ERC2: variants seen among roughly 807,000 people sequenced by gnomAD.
ERC2 encodes ELKS/RAB6-interacting/CAST family member 2, also known as ERC protein 2.
In ERC2, 42 loss-of-function variants were observed where a neutral mutation model predicts 114.8. The ratio of observed to expected loss-of-function variants is 0.37; its 90% CI spans 0.29 to 0.47. The LOEUF (loss-of-function observed/expected upper bound fraction) is 0.47, where lower values mean the gene tolerates loss of function less well. ERC2 is among the 20% of genes least tolerant of loss of function. The pLI is 0.99. For synonymous variants in ERC2, 454 were observed against 425.5 expected (o/e 1.07, Z -0.82); for missense variants, 939 against 1,150.7 (o/e 0.82, Z 2.66).
At chr3:55,902,766 T>C (rs753758274) in intron 13 of ERC2, among the ~76,000 whole-genome samples, 8 of 152,190 alleles carry the variant, frequency 5.3e-5, no homozygotes, top group Non-Finnish European at 1.2e-4. Flanking sequence ...GTTTTGACAC[T>C]GGGCTCCTAG....
chr3:56,197,000 A>G (rs1043726698), intron 3 of ERC2, among the ~76,000 whole-genome samples: 1 of 152,142 alleles, frequency 6.6e-6, no homozygotes, highest in Non-Finnish European at 1.5e-5. Flanking sequence ...CGTGTTTATA[A>G]AAACAGATTC....
At chr3:55,989,905 T>C (rs2070922265) in intron 11 of ERC2, among the ~76,000 whole-genome samples, 1 of 152,156 alleles carries the variant, frequency 6.6e-6, no homozygotes, top group Non-Finnish European at 1.5e-5. Flanking sequence ...ATCCTCCACA[T>C]AGCTCACCAC....
chr3:56,084,417 A>C (rs1486451037), intron 6 of ERC2, among the ~76,000 whole-genome samples: 1 of 152,254 alleles, frequency 6.6e-6, no homozygotes, highest in Non-Finnish European at 1.5e-5. Context: ...TATGTTTATC[A>C]CAGCACAATT....
At chr3:55,772,232 A>T (rs2362851) in intron 14 of ERC2, among the ~76,000 whole-genome samples, 144,412 of 152,224 alleles carry the variant, frequency 0.95, 68,840 homozygotes, top group Non-Finnish European at 1. Context: ...AACTTCCGCC[A>T]CCCAGGTTCA....
chr3:56,157,323 G>A (rs1409241288), intron 4 of ERC2, among the ~76,000 whole-genome samples: 2 of 152,148 alleles, frequency 1.3e-5, no homozygotes, highest in African/African-American at 2.4e-5. Flanking sequence ...GGGGAGAGAG[G>A]AAAGGGAGGA....
intron 6 of ERC2, among the ~76,000 whole-genome samples, chr3:56,118,536 C>T (rs976782034): frequency 6.6e-6 from 1 of 151,958 alleles, no homozygotes; most frequent in African/African-American, 2.4e-5. Flanking sequence ...AGGCACCAAG[C>T]TAGGTCTTTT....
intron 6 of ERC2, among the ~76,000 whole-genome samples, chr3:56,102,188 G>C (rs143386757): frequency 6.6e-6 from 1 of 152,086 alleles, no homozygotes; most frequent in Non-Finnish European, 1.5e-5. Flanking sequence ...TGACACAAGC[G>C]CTCCCTCCAG....
intron 1 of ERC2, among the ~76,000 whole-genome samples, chr3:56,453,637 A>C (rs541351883): frequency 1.3e-5 from 2 of 152,352 alleles, no homozygotes; most frequent in African/African-American, 2.4e-5. Context: ...CTCCAGATAG[A>C]TGCAAATCAT....
intron 2 of ERC2, among the ~76,000 whole-genome samples, chr3:56,305,433 A>G (rs1010744539): frequency 1.8e-4 from 28 of 151,942 alleles, no homozygotes; most frequent in Admixed American, 9.8e-4. Context: ...AAAGATGTTC[A>G]ATCTTATTAG....
At position 55,729,837 on chromosome 3, in the gene ERC2, C is replaced by CAAAAAAAAAAAAAAA. The variant is rs71096498; in HGVS notation, c.2712+4919_2712+4933dup. On this transcript the variant is annotated intron_variant, in intron 15 of 17. Coordinates refer to ENST00000288221, the MANE Select transcript of ERC2 (RefSeq NM_015576.3). ...AGGGTAATGCAGTGAGACTCTATCG[C>CAAAAAAAAAAAAAAA]AAAAAAAAAAAAAAAAAAAAAAAAA... 6.7e-3 allele frequency among the ~76,000 whole-genome samples: 412 copies of CAAAAAAAAAAAAAAA among 61,634 alleles called. 126 individuals are homozygous for CAAAAAAAAAAAAAAA. The highest frequency in any genetic ancestry group is 6.8e-3 in the African/African-American group (80 of 11,692). 40.4% of individuals were successfully genotyped at this position (61,634 alleles called of 152,430 possible).
At chr3:56,059,062 T>C (rs1484224595) in intron 7 of ERC2, among the ~76,000 whole-genome samples, 1 of 151,474 alleles carries the variant, frequency 6.6e-6, no homozygotes, top group East Asian at 2.0e-4. Context: ...TCTTTCTCCA[T>C]GAGCACATAA....
chr3:55,750,727 A>G (rs1048613020), intron 14 of ERC2, among the ~76,000 whole-genome samples: 4 of 152,212 alleles, frequency 2.6e-5, no homozygotes, highest in African/African-American at 9.6e-5. Flanking sequence ...CAAGGATGCT[A>G]GAATACCACC....
intron 16 of ERC2, among the ~76,000 whole-genome samples, chr3:55,695,948 C>T (rs79023375): frequency 5.3e-5 from 8 of 152,152 alleles, no homozygotes; most frequent in African/African-American, 9.7e-5. Flanking sequence ...TGCCCCAGGA[C>T]GCTCGAAGAT....
chr3:56,020,095 G>A (rs957020814), intron 7 of ERC2, among the ~76,000 whole-genome samples: 6 of 152,210 alleles, frequency 3.9e-5, no homozygotes, highest in African/African-American at 1.4e-4. Context: ...TAATGAGGAG[G>A]AGGAGATGAT....
At chr3:56,421,032 G>T (rs2107228719) in intron 2 of ERC2, among the ~76,000 whole-genome samples, 1 of 152,310 alleles carries the variant, frequency 6.6e-6, no homozygotes, top group South Asian at 2.1e-4. Context: ...AAAATAACAT[G>T]AATTGATCCT....
intron 11 of ERC2, among the ~76,000 whole-genome samples, chr3:55,986,248 G>A (rs2070624645): frequency 6.6e-6 from 1 of 152,152 alleles, no homozygotes; most frequent in African/African-American, 2.4e-5. Context: ...ATTACAAAAA[G>A]CACTGATGTG....
At chr3:56,363,401 G>A (rs1267465968) in intron 2 of ERC2, among the ~76,000 whole-genome samples, 1 of 152,152 alleles carries the variant, frequency 6.6e-6, no homozygotes, top group Non-Finnish European at 1.5e-5. Context: ...TAGGACATAG[G>A]AGGGAAAGAT....
At chr3:56,334,793 CTATT>C (rs1466734741) in intron 2 of ERC2, among the ~76,000 whole-genome samples, 5 of 150,740 alleles carry the variant, frequency 3.3e-5, no homozygotes, top group African/African-American at 5.0e-5. Flanking sequence ...ATGTAAAAAT[CTATT>C]TATTTGTTTG....
At chr3:55,701,862 A>C (rs1409529297) in intron 15 of ERC2, among the ~76,000 whole-genome samples, 1 of 152,222 alleles carries the variant, frequency 6.6e-6, no homozygotes, top group African/African-American at 2.4e-5. Flanking sequence ...ATGAACTAAT[A>C]AATCTGGAAT....
Sources: allele counts gnomAD v4.1 joint callset (sites outside exome capture counted in the v4.1 genomes callset), GRCh38; gene constraint gnomAD v4.1.1; transcripts MANE v1.5; gene names NCBI Gene and HGNC (gene_info 2026-07-23, HGNC 2026-07-21).